Variants in ARHGAP6 observed in about 807,000 individuals in gnomAD.
ARHGAP6 encodes Rho GTPase activating protein 6.
Under a neutral mutation model 55.7 loss-of-function variants are expected in ARHGAP6, and 16 were observed. The ratio of observed to expected loss-of-function variants is 0.29; its 90% confidence interval spans 0.19 to 0.44. The LOEUF is 0.44. Among genes scored for constraint, ARHGAP6 ranks in the 20% least tolerant of loss-of-function variants. The pLI is 1.00. For missense variants in ARHGAP6, 698 were observed against 808.9 expected (o/e 0.86, Z 1.66); for synonymous variants, 382 against 360.9 (o/e 1.06, Z -0.66).
At position 11,177,056 on chromosome X, in the gene ARHGAP6, A is replaced by C. The variant is rs780982437; in HGVS notation, c.1629+1044T>G. Among the ~76,000 whole-genome samples the C allele has an allele frequency of 3.7e-4, 42 of 112,250 alleles. No individual in the cohort carries two copies. In the South Asian group the frequency reaches 0.015, roughly 41 times the overall value. ...TGAGCTTTGTTTAACAAGAATTTAC[A>C]AAAAAGTTTCTGTGGTTAAGTAAGT... On this transcript the variant is annotated intron_variant, in intron 8 of 12. Coordinates refer to ENST00000337414, the MANE Select transcript of ARHGAP6 (RefSeq NM_013427.3).
At chrX:11,631,225 C>T (rs2052357258) in intron 1 of ARHGAP6, among the ~76,000 whole-genome samples, 1 of 110,870 alleles carries the variant, frequency 9.0e-6, no homozygotes, top group Admixed American at 9.6e-5. Context: ...TCAACTCTTC[C>T]CTCAAAAAGG....
At chrX:11,457,616 G>T (rs1412347441) in intron 1 of ARHGAP6, among the ~76,000 whole-genome samples, 1 of 111,712 alleles carries the variant, frequency 9.0e-6, no homozygotes, top group Non-Finnish European at 1.9e-5. Flanking sequence ...TTCAATAGAG[G>T]TCAGCTGCAG....
chrX:11,597,704 A>C (rs1046402203), intron 1 of ARHGAP6, among the ~76,000 whole-genome samples: 1 of 111,960 alleles, frequency 8.9e-6, no homozygotes, highest in Non-Finnish European at 1.9e-5. Flanking sequence ...AAACACAAGC[A>C]ATCAAGACTA....
chrX:11,609,809 G>A (rs950265706), intron 1 of ARHGAP6, among the ~76,000 whole-genome samples: 1 of 111,775 alleles, frequency 8.9e-6, no homozygotes, highest in Admixed American at 9.5e-5. Context: ...ACAAATGGGA[G>A]CAATGGTGGC....
At chrX:11,256,219 G>A (rs766083603) in intron 1 of ARHGAP6, among the ~76,000 whole-genome samples, 53 of 111,875 alleles carry the variant, frequency 4.7e-4, no homozygotes, top group Non-Finnish European at 7.3e-4. Context: ...GCAAAAGCCC[G>A]TCTCTACTAA....
At chrX:11,451,925 T>G (rs1177889439) in intron 1 of ARHGAP6, among the ~76,000 whole-genome samples, 2 of 112,132 alleles carry the variant, frequency 1.8e-5, no homozygotes, top group Non-Finnish European at 3.8e-5. Flanking sequence ...AAGAAACTCA[T>G]GCAAAAATTA....
Position 11,496,740 on chromosome X carries a change from T to C in ARHGAP6, c.588+167501A>G, listed in dbSNP as rs947577968. The stretch of plus-strand genomic sequence containing the variant: ...TGGATTTTAACAAAGCCAAATCATC[T>C]GTCAAATTAAATTAATATTACTACT... On this transcript the variant is annotated intron_variant, in intron 1 of 12. Coordinates refer to ENST00000337414, the MANE Select transcript of ARHGAP6 (RefSeq NM_013427.3). 2.7e-5 allele frequency among the ~76,000 whole-genome samples: 3 copies of C among 112,412 alleles called. No homozygotes were observed. In the South Asian group the frequency reaches 1.1e-3, roughly 41 times the overall value.
intron 1 of ARHGAP6, among the ~76,000 whole-genome samples, chrX:11,445,240 T>C (rs1174026934): frequency 8.9e-6 from 1 of 112,077 alleles, no homozygotes; most frequent in Non-Finnish European, 1.9e-5. Flanking sequence ...GTGGTCCATA[T>C]GGGCATGAAA....
intron 1 of ARHGAP6, among the ~76,000 whole-genome samples, chrX:11,350,164 C>T (rs778570708): frequency 5.4e-5 from 6 of 111,306 alleles, no homozygotes; most frequent in African/African-American, 9.8e-5. Flanking sequence ...AAACATTGGA[C>T]GAGAATGATT....
At chrX:11,364,658 T>C (rs1052814496) in intron 1 of ARHGAP6, among the ~76,000 whole-genome samples, 2 of 111,790 alleles carry the variant, frequency 1.8e-5, no homozygotes, top group African/African-American at 3.3e-5. Flanking sequence ...CAGATTAAGT[T>C]TGGTTGCATA....
chrX:11,427,328 C>T (rs1030058914), intron 1 of ARHGAP6, among the ~76,000 whole-genome samples: 1 of 112,529 alleles, frequency 8.9e-6, no homozygotes, highest in Admixed American at 9.3e-5. Context: ...CAAAGAAACA[C>T]TGAATTCAGG....
intron 1 of ARHGAP6, among the ~76,000 whole-genome samples, chrX:11,581,925 C>T (rs953640731): frequency 3.2e-4 from 36 of 111,585 alleles, no homozygotes; most frequent in African/African-American, 9.8e-4. Flanking sequence ...CTCTCCCAAA[C>T]TTTCATGTAT....
Position 11,138,592 on chromosome X carries a change from T to G in ARHGAP6, c.*271A>C, listed in dbSNP as rs2045575827. The G allele has an allele frequency of 2.5e-6, 1 of 396,148 alleles. No homozygotes were observed. The allele number at this position is 396,148 out of a possible 1,213,427, so 32.6% of individuals were successfully genotyped here. A position where few individuals can be genotyped will look rare whatever the true frequency, so the allele number is the denominator to read the frequency against. On this transcript the variant is annotated 3_prime_UTR_variant, in exon 13 of 13. Transcript: ENST00000337414. Reference sequence around the variant, plus strand: ...TACCAAGCAAGAGTTGTATCTTATATTATAGAGCCAAGAGGGACGTTTTTA... The same window carrying G: ...TACCAAGCAAGAGTTGTATCTTATAGTATAGAGCCAAGAGGGACGTTTTTA...
chrX:11,319,949 G>T (rs747374591), intron 1 of ARHGAP6, among the ~76,000 whole-genome samples: 40 of 112,127 alleles, frequency 3.6e-4, no homozygotes, highest in African/African-American at 1.2e-3. Context: ...AACAGCTGGG[G>T]GGGAAAATAT....
chrX:11,209,876 G>A (rs1416239852), intron 2 of ARHGAP6, among the ~76,000 whole-genome samples: 2 of 111,765 alleles, frequency 1.8e-5, no homozygotes, highest in Non-Finnish European at 3.8e-5. Context: ...GGATTTCTAT[G>A]GCCAACTTAA....
intron 2 of ARHGAP6, among the ~76,000 whole-genome samples, chrX:11,227,875 G>A (rs1205878350): frequency 9.3e-6 from 1 of 107,869 alleles, no homozygotes; most frequent in East Asian, 2.9e-4. Context: ...CTACATGTCC[G>A]AGTGAGTTGC....
chrX:11,323,811 G>A (rs1380997385), intron 1 of ARHGAP6, among the ~76,000 whole-genome samples: 2 of 100,072 alleles, frequency 2.0e-5, no homozygotes, highest in African/African-American at 3.8e-5. Context: ...GTTGCAGTGA[G>A]CCGAGATCGC....
intron 1 of ARHGAP6, among the ~76,000 whole-genome samples, chrX:11,441,265 G>T (rs1359089492): frequency 9.0e-6 from 1 of 111,423 alleles, no homozygotes; most frequent in East Asian, 2.8e-4. Flanking sequence ...TCTCTAATTT[G>T]GTTTCTCACC....
intron 2 of ARHGAP6, among the ~76,000 whole-genome samples, chrX:11,210,070 C>A (rs2046769361): frequency 8.9e-6 from 1 of 112,588 alleles, no homozygotes; most frequent in African/African-American, 3.2e-5. Flanking sequence ...ATGACCATCC[C>A]TCAAAGTTAT....
Sources: gnomAD v4.1 joint callset for allele counts (sites outside exome capture counted in the v4.1 genomes callset) on GRCh38, gnomAD v4.1.1 for gene constraint, MANE v1.5 for transcripts, NCBI Gene and HGNC (gene_info 2026-07-23, HGNC 2026-07-21) for gene names.